Variants in MRC2 observed in about 807,000 individuals in gnomAD.
MRC2 encodes mannose receptor C-type 2, also known as C-type mannose receptor 2.
MRC2 carries 84 observed loss-of-function variants against 206.2 expected under a neutral mutation model. The ratio of observed to expected loss-of-function variants is 0.41; its 90% CI spans 0.34 to 0.49. MRC2 has a LOEUF of 0.49. Ranked by LOEUF, MRC2 falls within the 20% of genes least tolerant of loss-of-function variation. The pLI is 0.31. For synonymous variants in MRC2, 798 were observed against 800.0 expected (o/e 1.00, Z 0.04); for missense variants, 1,676 against 2,001.5 (o/e 0.84, Z 3.10).
intron 20 of MRC2, among the ~76,000 whole-genome samples, chr17:62,683,422 C>T (rs532499153): frequency 2.7e-5 from 4 of 149,828 alleles, no homozygotes; most frequent in East Asian, 2.0e-4. Context: ...GAGTCAAGAT[C>T]GTGCCATTGC....
In MRC2 at chr17:62,689,616, G is replaced by A. The variant is rs1240257502; in HGVS notation, c.3429G>A (p.Pro1143=). The A allele has an allele frequency of 3.7e-6, 6 of 1,602,994 alleles. No individual in the cohort carries two copies. Among genetic ancestry groups the A allele is most frequent in the African/African-American group, 1.3e-5 (1 of 74,940 alleles). The change falls in exon 24 of 30, where the codon CCG becomes CCA. Residue 1143 remains proline (P), a synonymous_variant. Coordinates refer to ENST00000303375, the MANE Select transcript of MRC2 (RefSeq NM_006039.5). ...GCACCTTCCGGCTGCTTCAGAAGCC[G>A]CTGCGCTGGCACGATGCCCTCCTGC... ...LNGTFRLLQK[P]LRWHDALLLC...
At chr17:62,682,732 C>G (rs1332093025) in intron 20 of MRC2, among the ~76,000 whole-genome samples, 2 of 151,174 alleles carry the variant, frequency 1.3e-5, no homozygotes, top group Admixed American at 1.3e-4. Context: ...ACCTCTGCTT[C>G]CTGGGTTCAA....
chr17:62,627,679 T>C lies in MRC2; in HGVS notation c.-124T>C, dbSNP rs1357683455. On this transcript the variant is annotated 5_prime_UTR_variant, in exon 1 of 30. Transcript: ENST00000303375. Reference sequence around the variant, plus strand: ...CTCCTCCCCGGGAGGCATCACTTCGTCCCGACCCGGAGGAGGACGCGAGCC... The same window carrying C: ...CTCCTCCCCGGGAGGCATCACTTCGCCCCGACCCGGAGGAGGACGCGAGCC... The C allele has an allele frequency of 3.0e-6, 2 of 659,464 alleles. No homozygotes were observed. Among genetic ancestry groups the C allele is most frequent in the Non-Finnish European group, 4.5e-6 (2 of 447,950 alleles). 40.9% of individuals were successfully genotyped at this position (659,464 alleles called of 1,614,324 possible).
At chr17:62,674,648 C>A (rs567398748) in intron 9 of MRC2, among the ~76,000 whole-genome samples, 1 of 152,106 alleles carries the variant, frequency 6.6e-6, no homozygotes, top group African/African-American at 2.4e-5. Flanking sequence ...GCACCTTCCC[C>A]CTCCTTGTGT....
At chr17:62,681,344 A>G in intron 18 of MRC2, 1 of 607,010 alleles carries the variant, frequency 1.6e-6, no homozygotes. Flanking sequence ...TAGAAATAAC[A>G]TATGCGAAGT....
In MRC2 at chr17:62,680,233, C is replaced by T. The variant is rs1306578812; in HGVS notation, c.2362C>T (p.Leu788=). 1.2e-6 allele frequency: 2 copies of T among 1,614,142 alleles called. No homozygotes were observed. The highest frequency in any genetic ancestry group is 1.7e-6 in the Non-Finnish European group (2 of 1,180,012). The change falls in exon 15 of 30, where the codon CTG becomes TTG. Residue 788 remains leucine, a synonymous_variant. Transcript: ENST00000303375. This position sits in a 1 kb window ranked among gnomAD's most constrained non-coding sequence, Gnocchi z 4.8. ...DDDDIRGCAV[L]DLASLQWVAM... is the part of the protein sequence containing the mutation. Reference sequence around the variant, plus strand: ...CGACGACATCCGAGGCTGTGCGGTGCTGGACCTGGCCTCCCTGCAGTGGGT... The same window carrying T: ...CGACGACATCCGAGGCTGTGCGGTGTTGGACCTGGCCTCCCTGCAGTGGGT...
intron 1 of MRC2, among the ~76,000 whole-genome samples, chr17:62,634,780 C>G (rs1270875108): frequency 6.6e-6 from 1 of 152,050 alleles, no homozygotes; most frequent in East Asian, 1.9e-4. Flanking sequence ...TCGTTTTACC[C>G]AGCCCCTTTT....
Position 62,693,032 on chromosome 17 carries a change from G to T in MRC2, c.*581G>T, listed in dbSNP as rs1397813950. On this transcript the variant is annotated 3_prime_UTR_variant, in exon 30 of 30. Transcript: ENST00000303375. ...ATCCATCACTCCTGTGCCTGCTGGG[G>T]TGGCTGTGGGGCGTGGCAGGAGGGG... 6.5e-6 allele frequency: 1 copy of T among 154,534 alleles called. No individual in the cohort carries two copies. The highest frequency in any genetic ancestry group is 1.4e-5 in the Non-Finnish European group (1 of 69,352). The allele number at this position is 154,534 out of a possible 1,614,324, so 9.6% of individuals were successfully genotyped here.
At chr17:62,654,720 A>G (rs2088596751) in intron 1 of MRC2, among the ~76,000 whole-genome samples, 1 of 152,242 alleles carries the variant, frequency 6.6e-6, no homozygotes. Flanking sequence ...ACCATCAAGG[A>G]GGAAGGAGAT....
At chr17:62,628,088 G>A (rs1419444263) in intron 1 of MRC2, among the ~76,000 whole-genome samples, 168 bp downstream of exon 1, 6 of 152,164 alleles carry the variant, frequency 3.9e-5, no homozygotes, top group African/African-American at 1.4e-4. Flanking sequence ...CTGAAAGCGG[G>A]GGAGGAGAGG....
intron 20 of MRC2, among the ~76,000 whole-genome samples, chr17:62,684,809 A>G (rs2089012076): frequency 6.6e-6 from 1 of 152,210 alleles, no homozygotes; most frequent in Admixed American, 6.5e-5. Flanking sequence ...CCAGCCTCTT[A>G]GTGTCATGGA....
At chr17:62,649,568 G>A (rs749585503) in intron 1 of MRC2, among the ~76,000 whole-genome samples, 8 of 152,270 alleles carry the variant, frequency 5.3e-5, no homozygotes, top group Middle Eastern at 3.4e-3. Context: ...TCCAGCCTGC[G>A]TGACAGAGAG....
Position 62,675,709 on chromosome 17 carries a change from T to G in MRC2, c.1570-81T>G. On this transcript the variant is annotated intron_variant, in intron 9 of 29. Coordinates refer to ENST00000303375, the MANE Select transcript of MRC2 (RefSeq NM_006039.5). This position sits in a 1 kb window ranked among gnomAD's most constrained non-coding sequence, Gnocchi z 4.1. ...ACGTTCAGTGATGTCCCTGATGGCA[T>G]CTCCCACCACAGGATTTATGGGTGA... 2 of 1,110,684 alleles carry G rather than the reference T, an allele frequency of 1.8e-6. No individual in the cohort carries two copies. The allele number at this position is 1,110,684 out of a possible 1,614,324, so 68.8% of individuals were successfully genotyped here. A position where few individuals can be genotyped will look rare whatever the true frequency, so the allele number is the denominator to read the frequency against.
At position 62,682,336 on chromosome 17, in the gene MRC2, C is replaced by T. The variant is rs765712654; in HGVS notation, c.2905C>T (p.Leu969=). 1.9e-6 allele frequency: 3 copies of T among 1,607,068 alleles called. No homozygotes were observed. The South Asian group carries it at 3.3e-5, about 18-fold the overall frequency. Residue 969 remains leucine, a synonymous_variant, in exon 20 of 30, where the codon CTG becomes TTG. Coordinates refer to ENST00000303375, the MANE Select transcript of MRC2 (RefSeq NM_006039.5). ...GCCCCCAGACCTGCCAACTACAGCC[C>T]TGGGGGGCTGCCCCTCTGACTGGAT... ...TQPPDLPTTA[L]GGCPSDWIQF...
chr17:62,690,536 C>T (rs2089094704), intron 26 of MRC2, 106 bp from the exon 27 acceptor site: 3 of 1,494,750 alleles, frequency 2.0e-6, no homozygotes, highest in Non-Finnish European at 2.7e-6. Flanking sequence ...ACAGACTCCA[C>T]ACCATCCTCT....
rs1598993247 is a variant in MRC2, at chr17:62,680,719, C to T, written c.2474-81C>T. 8 of 1,398,226 alleles carry T rather than the reference C, an allele frequency of 5.7e-6. No individual in the cohort carries two copies. Among genetic ancestry groups the T allele is most frequent in the South Asian group, 3.1e-5 (2 of 63,754 alleles). The allele number at this position is 1,398,226 out of a possible 1,614,324, so 86.6% of individuals were successfully genotyped here. On this transcript the variant is annotated intron_variant, in intron 16 of 29. Transcript: ENST00000303375. The surrounding 1 kb of genome is among the most constrained non-coding windows in gnomAD (Gnocchi z 4.8). ...CGCCTGCTGCCGCCTGGCTCTGCCC[C>T]GGCCCTGCCGCGCCCGCCTCCGGGG...
In MRC2 at chr17:62,674,207, C is replaced by T. The variant is rs377007957; in HGVS notation, c.1569+37C>T. ...TCTGGAGCTGCCCTGAGTGGGGCCACCTGTCAGAGGGGCTACCAGGGGAGG... is the reference window on the plus strand; with the variant it reads ...TCTGGAGCTGCCCTGAGTGGGGCCATCTGTCAGAGGGGCTACCAGGGGAGG... On this transcript the variant is annotated intron_variant, in intron 9 of 29. Transcript: ENST00000303375. The T allele has an allele frequency of 2.4e-5, 35 of 1,464,722 alleles. No individual in the cohort carries two copies. In the African/African-American group the frequency reaches 4.6e-4, roughly 19 times the overall value. The allele number at this position is 1,464,722 out of a possible 1,614,324, so 90.7% of individuals were successfully genotyped here.
At chr17:62,661,153 A>G (rs1403682688) in intron 1 of MRC2, among the ~76,000 whole-genome samples, 1 of 152,230 alleles carries the variant, frequency 6.6e-6, no homozygotes, top group Non-Finnish European at 1.5e-5. Context: ...AAGCGACTTG[A>G]GCAAGGTGGA....
intron 1 of MRC2, among the ~76,000 whole-genome samples, chr17:62,655,865 A>G (rs2088613461): frequency 6.6e-6 from 1 of 152,092 alleles, no homozygotes; most frequent in South Asian, 2.1e-4. Context: ...GGATTGCTTC[A>G]TGAGTTCAGC....
Sources: gnomAD v4.1 joint callset for allele counts (sites outside exome capture counted in the v4.1 genomes callset) on GRCh38, gnomAD v4.1.1 for gene constraint, Gnocchi (gnomAD v3.1) non-coding constraint, MANE v1.5 for transcripts, NCBI Gene and HGNC (gene_info 2026-07-23, HGNC 2026-07-21) for gene names.